Variants in PCDHA3 observed in about 807,000 individuals in gnomAD.
PCDHA3 encodes protocadherin alpha-3.
PCDHA3 carries 41 observed loss-of-function variants against 62.2 expected under a neutral mutation model. The observed-to-expected ratio is 0.66, with a 90% CI of 0.51 to 0.86. The LOEUF (loss-of-function observed/expected upper bound fraction) is 0.86. PCDHA3 is among the 40% of genes least tolerant of loss of function. PCDHA3 has a pLI of 0.00. For missense variants in PCDHA3, 1,304 were observed against 1,241.2 expected (o/e 1.05, Z -0.76); for synonymous variants, 640 against 555.4 (o/e 1.15, Z -2.14).
rs2150473414 is a variant in PCDHA3 at position 140,850,210 on chromosome 5, G to A, written c.2394+46619G>A. 67 of 1,593,594 alleles carry A rather than the reference G, an allele frequency of 4.2e-5. No individual in the cohort carries two copies. In the East Asian group the frequency reaches 1.2e-3, roughly 28 times the overall value. ...GCGCTGCTGACACCTCGGATGAGGG[G>A]CACTGACGGCGCAGTGAGCGAGATG... is the stretch of plus-strand genomic sequence containing the variant. On this transcript the variant is annotated intron_variant, in intron 1 of 3. Coordinates refer to ENST00000522353, the MANE Select transcript of PCDHA3 (RefSeq NM_018906.3).
chr5:140,892,212 T>C (rs1554185117), intron 1 of PCDHA3, among the ~76,000 whole-genome samples: 5 of 152,236 alleles, frequency 3.3e-5, no homozygotes, highest in Admixed American at 2.6e-4. Context: ...TTTAAAATTG[T>C]ATCTTTATGG....
At chr5:140,968,116 A>C in intron 1 of PCDHA3, 1 of 1,614,174 alleles carries the variant, frequency 6.2e-7, no homozygotes, top group South Asian at 1.1e-5. Context: ...CGCAGCTCAC[A>C]TCCCTGCGTA....
intron 3 of PCDHA3, among the ~76,000 whole-genome samples, chr5:141,000,419 A>ATTTT (rs1563652468): frequency 3.0e-4 from 18 of 60,988 alleles, no homozygotes; most frequent in East Asian, 5.4e-4. Context: ...ATATATATAT[A>ATTTT]TATTTTTTTT....
At chr5:140,903,545 C>T (rs1562939927) in intron 1 of PCDHA3, among the ~76,000 whole-genome samples, 3 of 152,130 alleles carry the variant, frequency 2.0e-5, no homozygotes, top group Non-Finnish European at 4.4e-5. Context: ...GAGCAAGAAA[C>T]TTTTCTAATA....
intron 1 of PCDHA3, chr5:140,867,470 T>C (rs1010353201): frequency 2.0e-5 from 3 of 152,066 alleles, no homozygotes; most frequent in Non-Finnish European, 4.4e-5. Context: ...ATGACAACAT[T>C]GGGAAAAGAG....
chr5:140,926,914 G>A (rs1563085125), intron 1 of PCDHA3: 7 of 1,565,570 alleles, frequency 4.5e-6, no homozygotes, highest in African/African-American at 1.4e-5. Context: ...TGGGGTGGCA[G>A]TTTTATGTTT....
At chr5:140,986,852 A>G (rs889945842) in intron 3 of PCDHA3, among the ~76,000 whole-genome samples, 1 of 152,190 alleles carries the variant, frequency 6.6e-6, no homozygotes, top group Admixed American at 6.5e-5. Flanking sequence ...CAGCAACACC[A>G]ACAATACCCG....
chr5:140,842,721 A>T lies in PCDHA3; in HGVS notation c.2394+39130A>T, dbSNP rs1554139308. 4 of 1,594,916 alleles carry T rather than the reference A, an allele frequency of 2.5e-6. No individual in the cohort carries two copies. In the South Asian group the frequency reaches 4.4e-5, roughly 18 times the overall value. On this transcript the variant is annotated intron_variant, in intron 1 of 3. Coordinates refer to ENST00000522353, the MANE Select transcript of PCDHA3 (RefSeq NM_018906.3). Reference sequence around the variant, plus strand: ...GAGTACACGGTGTTCGTGAAGGAGAACAACCCGCCGGGCTGCCACATCTTC... The same window carrying T: ...GAGTACACGGTGTTCGTGAAGGAGATCAACCCGCCGGGCTGCCACATCTTC...
chr5:140,813,309 C>CA (rs1421789078), intron 1 of PCDHA3: 1 of 152,146 alleles, frequency 6.6e-6, no homozygotes, highest in Non-Finnish European at 1.5e-5. Context: ...CATCACTGTG[C>CA]AAACATGAGA....
chr5:140,896,596 C>T (rs1554187019), intron 1 of PCDHA3, among the ~76,000 whole-genome samples: 2 of 151,466 alleles, frequency 1.3e-5, no homozygotes, highest in African/African-American at 4.9e-5. Flanking sequence ...AGGCTGGTCT[C>T]GAACTCCTGG....
intron 1 of PCDHA3, among the ~76,000 whole-genome samples, chr5:140,892,669 C>T (rs1361630982): frequency 2.6e-5 from 4 of 152,134 alleles, no homozygotes; most frequent in African/African-American, 9.7e-5. Context: ...CATTTTGATA[C>T]ATATATACAA....
rs1554148266 is a variant in PCDHA3 at position 140,856,152 on chromosome 5, A to C, written c.2394+52561A>C. On this transcript the variant is annotated intron_variant, in intron 1 of 3. Coordinates refer to ENST00000522353, the MANE Select transcript of PCDHA3 (RefSeq NM_018906.3). ...AGCGGCCAGCTCCACTACTCAGTCT[A>C]CGAGGAGGCCAGACACGGCACCTTC... The C allele has an allele frequency of 6.3e-6, 10 of 1,598,178 alleles. 1 individual carries two copies. Among genetic ancestry groups the C allele is most frequent in the Middle Eastern group, 1.7e-4 (1 of 5,990 alleles).
intron 1 of PCDHA3, chr5:140,835,976 G>T: frequency 6.2e-7 from 1 of 1,613,312 alleles, no homozygotes; most frequent in Non-Finnish European, 8.5e-7. Flanking sequence ...TGGAGCTGTT[G>T]CAGTTCCAGG....
Position 140,801,173 on chromosome 5 carries a change from A to G in PCDHA3, c.-25A>G. The G allele has an allele frequency of 2.6e-6, 4 of 1,567,252 alleles. No individual in the cohort carries two copies. The highest frequency in any genetic ancestry group is 4.5e-5 in the East Asian group (2 of 44,496). ...TAAACTTTGGATCAATGTAAAGGCAATCTAATATTTGGAAAATACTTGCAA... is the reference window on the plus strand; with the variant it reads ...TAAACTTTGGATCAATGTAAAGGCAGTCTAATATTTGGAAAATACTTGCAA... On this transcript the variant is annotated 5_prime_UTR_variant, in exon 1 of 4. Transcript: ENST00000522353.
At chr5:140,899,795 G>A (rs551068307) in intron 1 of PCDHA3, among the ~76,000 whole-genome samples, 59 of 152,222 alleles carry the variant, frequency 3.9e-4, no homozygotes, top group Non-Finnish European at 7.5e-4. Flanking sequence ...ATTCGGCTGT[G>A]AATCCAATAT....
Position 140,835,427 on chromosome 5 carries a change from A to G in PCDHA3, c.2394+31836A>G, listed in dbSNP as rs2150235532. The stretch of plus-strand genomic sequence containing the variant: ...TTGTGGATGTAAATGACAATGCTCC[A>G]CAGTTGACTCTCACTTCCCTGTCTC... On this transcript the variant is annotated intron_variant, in intron 1 of 3. Transcript: ENST00000522353. The G allele has an allele frequency of 7.4e-6, 12 of 1,613,812 alleles. No homozygotes were observed. In the Admixed American group the frequency reaches 1.5e-4, roughly 20 times the overall value.
chr5:140,897,080 A>AT lies in PCDHA3; in HGVS notation c.2395-81863dup, dbSNP rs201233181. The stretch of plus-strand genomic sequence containing the variant: ...ATACTATGTCTTATTCATTTTTTCT[A>AT]TTTTTTATCCTCATTAAAAATCTCC... On this transcript the variant is annotated intron_variant, in intron 1 of 3. Transcript: ENST00000522353. 8.0e-3 allele frequency among the ~76,000 whole-genome samples: 1,212 copies of AT among 152,020 alleles called. 6 individuals carry two copies. Among genetic ancestry groups the AT allele is most frequent in the African/African-American group, 0.019 (783 of 41,452 alleles).
intron 1 of PCDHA3, among the ~76,000 whole-genome samples, chr5:140,891,366 T>C (rs1261887556): frequency 6.6e-6 from 1 of 152,168 alleles, no homozygotes; most frequent in Non-Finnish European, 1.5e-5. Flanking sequence ...CTGAGCAGTA[T>C]ACATTGCACC....
At chr5:140,951,589 C>A (rs2094605772) in intron 1 of PCDHA3, among the ~76,000 whole-genome samples, 1 of 152,088 alleles carries the variant, frequency 6.6e-6, no homozygotes, top group Admixed American at 6.5e-5. Flanking sequence ...TTCACGAGAT[C>A]TCTCTCACTG....
Sources: gnomAD v4.1 joint callset for allele counts (sites outside exome capture counted in the v4.1 genomes callset) on GRCh38, gnomAD v4.1.1 for gene constraint, MANE v1.5 for transcripts, NCBI Gene and HGNC (gene_info 2026-07-23, HGNC 2026-07-21) for gene names.